Variants in TUSC3 observed in about 807,000 individuals in gnomAD.
The protein encoded by TUSC3 is dolichyl-diphosphooligosaccharide--protein glycosyltransferase subunit TUSC3.
In TUSC3, 45 loss-of-function variants were observed where a neutral mutation model predicts 44.8. The observed-to-expected ratio is 1.00, with a 90% CI of 0.79 to 1.29. The LOEUF (loss-of-function observed/expected upper bound fraction) is 1.29, where lower values mean the gene tolerates loss of function less well. Ranked by LOEUF, TUSC3 falls within the 50% of genes most tolerant of loss-of-function variation. The pLI, the probability that TUSC3 is intolerant of heterozygous loss-of-function variation, is 0.00. For synonymous variants in TUSC3, 212 were observed against 152.9 expected (o/e 1.39, Z -2.85); for missense variants, 519 against 437.9 (o/e 1.19, Z -1.65).
intron 1 of TUSC3, among the ~76,000 whole-genome samples, chr8:15,565,018 C>T (rs1802611760): frequency 6.6e-6 from 1 of 152,118 alleles, no homozygotes; most frequent in Non-Finnish European, 1.5e-5. Flanking sequence ...TGTATTGTTG[C>T]TGTAACAAAT....
intron 2 of TUSC3, among the ~76,000 whole-genome samples, chr8:15,524,825 G>C (rs1482181125): frequency 1.1e-5 from 1 of 93,250 alleles, no homozygotes; most frequent in Admixed American, 1.3e-4. Context: ...TATAGAAAGA[G>C]ATCCCAGAAT....
At chr8:15,824,355 C>G in the TUSC3 span, among the ~76,000 whole-genome samples, 20 of 152,128 alleles carry the variant, frequency 1.3e-4, no homozygotes, top group African/African-American at 4.8e-4. Flanking sequence ...ACTCCATTGG[C>G]AAGGTATGAA....
At chr8:15,836,184 A>T in the TUSC3 span, among the ~76,000 whole-genome samples, 1 of 151,954 alleles carries the variant, frequency 6.6e-6, no homozygotes, top group Non-Finnish European at 1.5e-5. Flanking sequence ...ACAAAGTTTA[A>T]AAGTAACACA....
chr8:15,453,561 C>T (rs1377782621), intron 1 of TUSC3, among the ~76,000 whole-genome samples: 1 of 152,198 alleles, frequency 6.6e-6, no homozygotes, highest in East Asian at 1.9e-4. Flanking sequence ...CATCTAGCTG[C>T]AGTTTCATTA....
intron 8 of TUSC3, among the ~76,000 whole-genome samples, chr8:15,746,894 AG>A (rs1278484027): frequency 2.0e-5 from 3 of 152,132 alleles, no homozygotes; most frequent in African/African-American, 7.2e-5. Flanking sequence ...TGTGTCATAC[AG>A]GGATATTCTA....
At position 15,743,648 on chromosome 8, in the gene TUSC3, T is replaced by C. The variant is rs750939689; in HGVS notation, c.937+36T>C. On this transcript the variant is annotated intron_variant, in intron 8 of 10. Transcript: ENST00000503731. ...GTGTTGCCATTTTTGTAATTTCGTT[T>C]TAGTCTTAAGATTCATTTAAGTCAA... 1.9e-6 allele frequency: 3 copies of C among 1,608,754 alleles called. 1 individual carries two copies. The highest frequency in any genetic ancestry group is 2.6e-6 in the Non-Finnish European group (3 of 1,175,208).
intron 7 of TUSC3, among the ~76,000 whole-genome samples, chr8:15,738,224 A>G (rs1421677512): frequency 2.6e-5 from 4 of 152,230 alleles, no homozygotes; most frequent in African/African-American, 9.6e-5. Flanking sequence ...TTGAGGTTGT[A>G]TATAACCTAT....
intron 1 of TUSC3, among the ~76,000 whole-genome samples, chr8:15,430,753 C>T (rs1226440874): frequency 6.6e-6 from 1 of 151,738 alleles, no homozygotes; most frequent in Non-Finnish European, 1.5e-5. Context: ...CCAAAATCTC[C>T]TTAAGCTGAT....
chr8:15,818,956 G>T, the TUSC3 span, among the ~76,000 whole-genome samples: 2 of 152,126 alleles, frequency 1.3e-5, no homozygotes, highest in Admixed American at 1.3e-4. Context: ...TCGTGCAGTG[G>T]TTCACACCTA....
At chr8:15,628,337 A>G (rs1805607350) in intron 2 of TUSC3, among the ~76,000 whole-genome samples, 2 of 152,170 alleles carry the variant, frequency 1.3e-5, no homozygotes, top group Non-Finnish European at 2.9e-5. Context: ...TTTGGATAGT[A>G]TTTTACTTAA....
At chr8:15,474,035 C>T (rs897955698) in intron 1 of TUSC3, among the ~76,000 whole-genome samples, 4 of 152,098 alleles carry the variant, frequency 2.6e-5, no homozygotes, top group Non-Finnish European at 5.9e-5. Flanking sequence ...TTATAGACCT[C>T]CCGCCAGGAA....
intron 1 of TUSC3, among the ~76,000 whole-genome samples, chr8:15,435,482 T>C (rs1799934143): frequency 6.6e-6 from 1 of 152,214 alleles, no homozygotes; most frequent in Non-Finnish European, 1.5e-5. Flanking sequence ...TTCAATAACA[T>C]TGATGATGCA....
the TUSC3 span, among the ~76,000 whole-genome samples, chr8:15,798,111 T>G: frequency 3.3e-5 from 5 of 152,200 alleles, no homozygotes. Flanking sequence ...TACATGTGGC[T>G]CTTCTCAGTC....
At chr8:15,424,987 G>C (rs1224471609) in intron 1 of TUSC3, among the ~76,000 whole-genome samples, 2 of 152,072 alleles carry the variant, frequency 1.3e-5, no homozygotes, top group Non-Finnish European at 2.9e-5. Flanking sequence ...ATATTACAAA[G>C]GTCTTTAAAA....
At chr8:15,729,043 A>G (rs1276227585) in intron 6 of TUSC3, among the ~76,000 whole-genome samples, 1 of 152,168 alleles carries the variant, frequency 6.6e-6, no homozygotes, top group Admixed American at 6.6e-5. Context: ...ATCAGAGAAG[A>G]TACTGTTACT....
At chr8:15,586,490 C>G (rs778664706) in intron 1 of TUSC3, among the ~76,000 whole-genome samples, 5 of 152,066 alleles carry the variant, frequency 3.3e-5, no homozygotes, top group Non-Finnish European at 5.9e-5. Flanking sequence ...AATGATTGAT[C>G]AAGGTCTGGG....
At position 15,556,964 on chromosome 8, in the gene TUSC3, C is replaced by T. The variant is rs915477947; in HGVS notation, c.138+16396C>T. ...TCCCATTTTGTAGGTTGCCTGTACA[C>T]TCTGATGGTAATTTCTTTTGCTGTG... On this transcript the variant is annotated intron_variant, in intron 1 of 10. Transcript: ENST00000503731. Among the ~76,000 whole-genome samples the T allele has an allele frequency of 3.3e-3, 491 of 149,924 alleles. 7 individuals carry two copies. The highest frequency in any genetic ancestry group is 0.011 in the African/African-American group (462 of 41,058).
chr8:15,540,959 C>A (rs1004413726), intron 1 of TUSC3, among the ~76,000 whole-genome samples: 1 of 152,142 alleles, frequency 6.6e-6, no homozygotes, highest in Non-Finnish European at 1.5e-5. Context: ...TACTCTGCTC[C>A]CTTCATTACC....
rs1801336322 is a variant in TUSC3 at position 15,523,810 on chromosome 8, C to A, written n.189+40327C>A. 2.0e-5 allele frequency among the ~76,000 whole-genome samples: 3 copies of A among 150,670 alleles called. 1 individual carries two copies. In the South Asian group the frequency reaches 6.3e-4, roughly 32 times the overall value. On this transcript the variant is annotated intron_variant and non_coding_transcript_variant, in intron 2 of 5. Transcript: ENST00000503191. ...CGGAGGCTTACGCCTGTAATCCCAG[C>A]ACTTTGAAAGGCCGAGGCAGGCAGA...
Sources: allele counts gnomAD v4.1 joint callset (sites outside exome capture counted in the v4.1 genomes callset), GRCh38; gene constraint gnomAD v4.1.1; transcripts MANE v1.5; gene names NCBI Gene and HGNC (gene_info 2026-07-23, HGNC 2026-07-21).